Variants in SLC1A3 observed in about 807,000 individuals in gnomAD.
SLC1A3 encodes the protein excitatory amino acid transporter 1.
Under a neutral mutation model 48.1 loss-of-function variants are expected in SLC1A3, and 21 were observed. The observed-to-expected ratio is 0.44, with a 90% CI of 0.31 to 0.63. The LOEUF (loss-of-function observed/expected upper bound fraction) is 0.63, where lower values mean the gene tolerates loss of function less well. Among genes scored for constraint, SLC1A3 ranks in the 20% least tolerant of loss-of-function variants. SLC1A3 has a pLI of 0.08. For missense variants in SLC1A3, 546 were observed against 689.0 expected, an observed-to-expected ratio of 0.79 and a Z score of 2.32; for synonymous variants, 239 against 251.4, an observed-to-expected ratio of 0.95 and a Z score of 0.47.
intron 6 of SLC1A3, 130 bp from the exon 7 acceptor site, chr5:36,679,497 C>A: frequency 1.3e-6 from 1 of 748,902 alleles, no homozygotes; most frequent in Non-Finnish European, 2.5e-6. Context: ...TTCTGTAAGT[C>A]CTAATGGTAT....
chr5:36,654,677 C>T (rs1741219168), intron 3 of SLC1A3, among the ~76,000 whole-genome samples: 1 of 152,212 alleles, frequency 6.6e-6, no homozygotes, highest in Non-Finnish European at 1.5e-5. Context: ...ATGCTACCTT[C>T]CCTTCCTTGT....
intron 8 of SLC1A3, among the ~76,000 whole-genome samples, chr5:36,682,016 G>A (rs1168626496): frequency 6.6e-6 from 1 of 152,042 alleles, no homozygotes; most frequent in Non-Finnish European, 1.5e-5. Flanking sequence ...CTCTTTCTCT[G>A]CCATTATGAC....
At chr5:36,639,257 C>T (rs1251843142) in intron 3 of SLC1A3, among the ~76,000 whole-genome samples, 1 of 152,178 alleles carries the variant, frequency 6.6e-6, no homozygotes. Flanking sequence ...GTAGTATCTA[C>T]CTCATTGGAT....
At chr5:36,671,707 C>A (rs763948505) in intron 4 of SLC1A3, among the ~76,000 whole-genome samples, 25 of 152,156 alleles carry the variant, frequency 1.6e-4, no homozygotes, top group Non-Finnish European at 3.5e-4. Flanking sequence ...CTTGTCAAAC[C>A]TGTCCCAAGG....
chr5:36,629,518 C>G lies in SLC1A3; in HGVS notation c.250C>G (p.Pro84Ala). The G allele has an allele frequency of 6.2e-7, 1 of 1,611,852 alleles. No homozygotes were observed. The highest frequency in any genetic ancestry group is 8.5e-7 in the Non-Finnish European group (1 of 1,179,062). Residue 84 changes from proline (P) to alanine (A), a missense_variant, in exon 3 of 10, where the codon CCT becomes GCT. Physicochemically the swap from Pro to Ala is conservative, Grantham distance 27. Around this residue, in one of 3 missense-constraint regions of SLC1A3, gnomAD observed 348 missense variants for 392.0 expected, o/e 0.89. Coordinates refer to ENST00000265113, the MANE Select transcript of SLC1A3 (RefSeq NM_004172.5). ...CCGGGAAGTCAAGTACTTCTCCTTTCCTGGGGAACTTCTGATGAGGATGTT... is the reference window on the plus strand; with the variant it reads ...CCGGGAAGTCAAGTACTTCTCCTTTGCTGGGGAACTTCTGATGAGGATGTT... ...SYREVKYFSFPGELLMRMLQM... is the reference protein window; with the variant it reads ...SYREVKYFSFAGELLMRMLQM...
chr5:36,679,799 C>G lies in SLC1A3; in HGVS notation c.1033C>G (p.Pro345Ala), dbSNP rs1209314098. 1 of 1,614,076 alleles carries G rather than the reference C, an allele frequency of 6.2e-7. No homozygotes were observed. Among genetic ancestry groups the G allele is most frequent in the African/African-American group, 1.3e-5 (1 of 74,984 alleles). Residue 345 changes from proline to alanine, a missense_variant, in exon 7 of 10, where the codon CCT becomes GCT. This residue lies in a region of SLC1A3 where 142 missense variants were observed against 238.0 expected (regional missense o/e 0.60). Transcript: ENST00000265113. Reference protein sequence around the residue: ...LLYFLVTRKNPWVFIGGLLQA... With the variant: ...LLYFLVTRKNAWVFIGGLLQA... ...CTACTTCTTGGTAACACGGAAAAAC[C>G]CTTGGGTTTTTATTGGAGGGTTGCT...
chr5:36,647,376 T>G (rs1197587952), intron 3 of SLC1A3, among the ~76,000 whole-genome samples: 3 of 152,240 alleles, frequency 2.0e-5, no homozygotes, highest in Non-Finnish European at 4.4e-5. Context: ...GGCAAAATTA[T>G]CTGCCATGAA....
chr5:36,669,406 A>G (rs1400933962), intron 3 of SLC1A3: 1 of 152,204 alleles, frequency 6.6e-6, no homozygotes, highest in Non-Finnish European at 1.5e-5. Context: ...GCCAAGGATA[A>G]AAGAGGCTAA....
intron 2 of SLC1A3, among the ~76,000 whole-genome samples, chr5:36,615,300 T>C (rs534564092): frequency 1.3e-5 from 2 of 152,372 alleles, no homozygotes; most frequent in South Asian, 4.1e-4. Context: ...AACTCCAAAA[T>C]TCTATCATTT....
upstream of SLC1A3, among the ~76,000 whole-genome samples, chr5:36,603,333 G>A (rs1235304810): frequency 2.6e-5 from 4 of 152,208 alleles, no homozygotes; most frequent in Non-Finnish European, 5.9e-5. Context: ...ATAGGCCTCA[G>A]CACACAGCGA....
At chr5:36,684,956 ACAGT>A (rs1392167500) in intron 9 of SLC1A3, among the ~76,000 whole-genome samples, 1 of 152,226 alleles carries the variant, frequency 6.6e-6, no homozygotes, top group Admixed American at 6.5e-5. Context: ...TGTCTGGCCC[ACAGT>A]CAGCATCAGT....
intron 8 of SLC1A3, among the ~76,000 whole-genome samples, chr5:36,681,947 C>A (rs1226040414): frequency 6.6e-6 from 1 of 152,090 alleles, no homozygotes; most frequent in Non-Finnish European, 1.5e-5. Context: ...AATATTATAC[C>A]AACCATCCTC....
chr5:36,637,973 G>A (rs936566017), intron 3 of SLC1A3, among the ~76,000 whole-genome samples: 1 of 151,690 alleles, frequency 6.6e-6, no homozygotes, highest in African/African-American at 2.4e-5. Context: ...TGCACCCATG[G>A]TTGAAAACTA....
chr5:36,685,193 A>G (rs1742596432), intron 9 of SLC1A3, among the ~76,000 whole-genome samples: 2 of 152,220 alleles, frequency 1.3e-5, no homozygotes, highest in South Asian at 4.1e-4. Context: ...ATTTATTATC[A>G]TCTTTAAACA....
At chr5:36,615,127 T>C (rs1739377293) in intron 2 of SLC1A3, among the ~76,000 whole-genome samples, 1 of 152,324 alleles carries the variant, frequency 6.6e-6, no homozygotes, top group South Asian at 2.1e-4. Context: ...CCTTCTGATT[T>C]GTATCTGCAA....
At chr5:36,665,150 T>C (rs3776583) in intron 3 of SLC1A3, among the ~76,000 whole-genome samples, 4,522 of 152,122 alleles carry the variant, frequency 0.03, 101 homozygotes, top group East Asian at 0.085. Flanking sequence ...TGAGTCAGAA[T>C]TAAAGAGTGT....
At chr5:36,602,014 G>A (rs1389524338), upstream of SLC1A3, among the ~76,000 whole-genome samples, 1 of 152,122 alleles carries the variant, frequency 6.6e-6, no homozygotes, top group Non-Finnish European at 1.5e-5. Context: ...AGGGAGAATT[G>A]CAGCACAAAG....
At chr5:36,662,313 G>A (rs184789104) in intron 3 of SLC1A3, among the ~76,000 whole-genome samples, 6 of 152,278 alleles carry the variant, frequency 3.9e-5, no homozygotes, top group Admixed American at 3.3e-4. Context: ...TCGTCAGCCT[G>A]TTGCCCCCAC....
intron 2 of SLC1A3, among the ~76,000 whole-genome samples, chr5:36,612,336 A>C (rs2111676035): frequency 6.6e-6 from 1 of 152,332 alleles, no homozygotes; most frequent in East Asian, 1.9e-4. Flanking sequence ...TTTAAATTGC[A>C]CTAAAATTCA....
Sources: allele counts gnomAD v4.1 joint callset (sites outside exome capture counted in the v4.1 genomes callset), GRCh38; gene constraint gnomAD v4.1.1; regional missense constraint gnomAD v4.1.1; transcripts MANE v1.5; gene names NCBI Gene and HGNC (gene_info 2026-07-23, HGNC 2026-07-21).